Variants in EXOC6B observed in about 807,000 individuals in gnomAD.
EXOC6B encodes the protein exocyst complex component 6B, also known as SEC15 homolog B.
EXOC6B carries 54 observed loss-of-function variants against 113.5 expected under a neutral mutation model. That is an observed-to-expected ratio of 0.48 (90% CI 0.38 to 0.60). The LOEUF (loss-of-function observed/expected upper bound fraction) is 0.60. EXOC6B is among the 20% of genes least tolerant of loss of function. EXOC6B has a pLI of 0.00. For missense variants in EXOC6B, 797 were observed against 977.5 expected, an observed-to-expected ratio of 0.82 and a Z score of 2.46; for synonymous variants, 357 against 339.0, an observed-to-expected ratio of 1.05 and a Z score of -0.58.
At chr2:72,515,479 A>G (rs779955085) in intron 8 of EXOC6B, 5 of 1,062,930 alleles carry the variant, frequency 4.7e-6, no homozygotes, top group Non-Finnish European at 5.7e-6. Flanking sequence ...GCTCCTTAAA[A>G]AACTCACAGA....
At position 72,575,614 on chromosome 2, in the gene EXOC6B, T is replaced by A; in HGVS notation, c.724A>T (p.Ser242Cys). Residue 242 changes from serine to cysteine, a missense_variant, in exon 7 of 22, where the codon AGC becomes TGC. Coordinates refer to ENST00000272427, the MANE Select transcript of EXOC6B (RefSeq NM_015189.3). ...GCATCTTTCTTAGATTTCCTCTTGC[T>A]ACCTATTCTGGGTTGTTGCAAGACG... Reference protein sequence around the residue: ...NIVLQQPRIGSKRKSKKDAYI... With the variant: ...NIVLQQPRIGCKRKSKKDAYI... 2 of 1,610,302 alleles carry A rather than the reference T, an allele frequency of 1.2e-6. No homozygotes were observed. The highest frequency in any genetic ancestry group is 1.7e-6 in the Non-Finnish European group (2 of 1,178,480).
intron 20 of EXOC6B, among the ~76,000 whole-genome samples, chr2:72,281,291 A>G (rs773467208): frequency 1.3e-5 from 2 of 152,206 alleles, no homozygotes; most frequent in African/African-American, 2.4e-5. Context: ...ATCCAGGGCC[A>G]CTACAATTTT....
chr2:72,562,635 A>G (rs12471312), intron 7 of EXOC6B, among the ~76,000 whole-genome samples: 93,330 of 152,088 alleles, frequency 0.61, 34,893 homozygotes, highest in East Asian at 0.99. Context: ...CAGCCCTTGC[A>G]TTTTACACAT....
chr2:72,672,525 G>A (rs1199303429), intron 6 of EXOC6B, among the ~76,000 whole-genome samples: 1 of 142,022 alleles, frequency 7.0e-6, no homozygotes, highest in African/African-American at 2.6e-5. Context: ...CCAGCCTGGG[G>A]GACAGAGCGA....
intron 6 of EXOC6B, among the ~76,000 whole-genome samples, chr2:72,595,001 GTAAT>G (rs1184278431): frequency 6.6e-6 from 1 of 152,106 alleles, no homozygotes; most frequent in Non-Finnish European, 1.5e-5. Flanking sequence ...GCTCATGCCT[GTAAT>G]CCCAGCACTT....
At chr2:72,405,180 C>A (rs568706595) in intron 18 of EXOC6B, among the ~76,000 whole-genome samples, 14 of 152,310 alleles carry the variant, frequency 9.2e-5, no homozygotes, top group African/African-American at 3.1e-4. Context: ...TGAACAAAGC[C>A]TCCAAGAAAT....
chr2:72,575,958 A>G (rs946444285), intron 6 of EXOC6B, among the ~76,000 whole-genome samples: 2 of 152,142 alleles, frequency 1.3e-5, no homozygotes, highest in African/African-American at 4.8e-5. Flanking sequence ...CAATATCATC[A>G]TAAGGCTTTT....
intron 6 of EXOC6B, among the ~76,000 whole-genome samples, chr2:72,623,894 C>T (rs191979123): frequency 1.7e-4 from 26 of 152,276 alleles, no homozygotes; most frequent in Admixed American, 1.6e-3. Context: ...ATGCACAATC[C>T]TGCTAGCCAA....
intron 19 of EXOC6B, among the ~76,000 whole-genome samples, chr2:72,374,147 T>G (rs1162315668): frequency 2.0e-5 from 3 of 152,104 alleles, no homozygotes; most frequent in Non-Finnish European, 4.4e-5. Flanking sequence ...AGAGATATCA[T>G]AAGATCCAGA....
Position 72,783,237 on chromosome 2 carries a change from T to C in EXOC6B, c.114-41768A>G, listed in dbSNP as rs554033328. Among the ~76,000 whole-genome samples the C allele has an allele frequency of 6.0e-5, 9 of 151,146 alleles. No individual in the cohort carries two copies. The South Asian group carries it at 1.7e-3, about 28-fold the overall frequency. Reference sequence around the variant, plus strand: ...TAGCCATTCTAACTAGGGTAAAATATATCCATGGTTTTGATTGCATTTCTC... The same window carrying C: ...TAGCCATTCTAACTAGGGTAAAATACATCCATGGTTTTGATTGCATTTCTC... On this transcript the variant is annotated intron_variant, in intron 1 of 21. Coordinates refer to ENST00000272427, the MANE Select transcript of EXOC6B (RefSeq NM_015189.3).
In EXOC6B at chr2:72,575,596, T is replaced by C. The variant is rs1321571087; in HGVS notation, c.742A>G (p.Lys248Glu). The change falls in exon 7 of 22, where the codon AAA (lysine) becomes GAA (glutamate). Residue 248 changes from lysine to glutamate, a missense_variant. By Grantham distance (56) the Lys-to-Glu change is moderately conservative. Coordinates refer to ENST00000272427, the MANE Select transcript of EXOC6B (RefSeq NM_015189.3). ...PRIGSKRKSK[K>E]DAYIIFDTEI... ...GTATCAAAGATTATATATGCATCTTTCTTAGATTTCCTCTTGCTACCTATT... is the reference window on the plus strand; with the variant it reads ...GTATCAAAGATTATATATGCATCTTCCTTAGATTTCCTCTTGCTACCTATT... The C allele has an allele frequency of 6.2e-7, 1 of 1,610,844 alleles. No homozygotes were observed. Among genetic ancestry groups the C allele is most frequent in the Non-Finnish European group, 8.5e-7 (1 of 1,178,742 alleles).
At chr2:72,550,670 G>A (rs750860191) in intron 8 of EXOC6B, among the ~76,000 whole-genome samples, 1 of 152,020 alleles carries the variant, frequency 6.6e-6, no homozygotes, top group Admixed American at 6.6e-5. Flanking sequence ...TGCTTTTCTA[G>A]AGCTTTATCA....
chr2:72,625,314 G>A (rs1671989016), intron 6 of EXOC6B, among the ~76,000 whole-genome samples: 1 of 151,636 alleles, frequency 6.6e-6, no homozygotes, highest in African/African-American at 2.4e-5. Flanking sequence ...TTTCAGTACT[G>A]TTTAACATTT....
intron 6 of EXOC6B, among the ~76,000 whole-genome samples, chr2:72,684,729 G>T (rs1676958873): frequency 6.6e-6 from 1 of 152,186 alleles, no homozygotes; most frequent in African/African-American, 2.4e-5. Context: ...CATACTGTAT[G>T]ATTCCATTTA....
chr2:72,545,732 T>C (rs1304564352), intron 8 of EXOC6B, among the ~76,000 whole-genome samples: 1 of 152,212 alleles, frequency 6.6e-6, no homozygotes, highest in Non-Finnish European at 1.5e-5. Context: ...ACAACAACCC[T>C]TCAAATACTA....
intron 20 of EXOC6B, among the ~76,000 whole-genome samples, chr2:72,250,028 T>C (rs979579273): frequency 3.3e-5 from 5 of 152,238 alleles, no homozygotes; most frequent in Non-Finnish European, 7.3e-5. Flanking sequence ...AGAAACCTTA[T>C]TGTCTGGCAC....
At position 72,715,656 on chromosome 2, in the gene EXOC6B, G is replaced by A. The variant is rs76950747; in HGVS notation, c.669+2447C>T. 5.7e-3 allele frequency among the ~76,000 whole-genome samples: 872 copies of A among 152,122 alleles called. 7 individuals are homozygous for A. The highest frequency in any genetic ancestry group is 0.02 in the African/African-American group (843 of 41,510). On this transcript the variant is annotated intron_variant, in intron 6 of 21. Coordinates refer to ENST00000272427, the MANE Select transcript of EXOC6B (RefSeq NM_015189.3). ...CTAAGTAGATTATATGATTTGTTAT[G>A]AAGCAGAGAATATTGTTTGTCTCTG...
At position 72,306,775 on chromosome 2, in the gene EXOC6B, G is replaced by A. The variant is rs1053582366; in HGVS notation, c.2196+28172C>T. On this transcript the variant is annotated intron_variant, in intron 20 of 21. Coordinates refer to ENST00000272427, the MANE Select transcript of EXOC6B (RefSeq NM_015189.3). ...GTCTACACTTCCAAAAATCTTGTCC[G>A]TTGTAATGGGCAGTAAAGTTTCCAT... Among the ~76,000 whole-genome samples, 14 of 152,074 alleles carry A rather than the reference G, an allele frequency of 9.2e-5. 1 individual carries two copies. The highest frequency in any genetic ancestry group is 4.8e-5 in the African/African-American group (2 of 41,422).
chr2:72,523,668 C>G (rs1701606311), intron 8 of EXOC6B, among the ~76,000 whole-genome samples: 1 of 150,714 alleles, frequency 6.6e-6, no homozygotes, highest in South Asian at 2.1e-4. Context: ...GCAGTCCCAG[C>G]TACTCGGGAG....
Sources: gnomAD v4.1 joint callset for allele counts (sites outside exome capture counted in the v4.1 genomes callset) on GRCh38, gnomAD v4.1.1 for gene constraint, MANE v1.5 for transcripts, NCBI Gene and HGNC (gene_info 2026-07-23, HGNC 2026-07-21) for gene names.